Variants in TMPRSS4 observed in about 807,000 individuals in gnomAD.
The protein encoded by TMPRSS4 is transmembrane serine protease 4.
In TMPRSS4, 45 loss-of-function variants were observed where a neutral mutation model predicts 56.4. That is an observed-to-expected ratio of 0.80 (90% CI 0.63 to 1.02). The LOEUF is 1.02. TMPRSS4 is among the 50% of genes least tolerant of loss of function. The probability of loss-of-function intolerance (pLI) is 0.00; values close to 1 mark genes in which losing one functional copy is unlikely to be tolerated. For missense variants in TMPRSS4, 546 were observed against 556.7 expected, an observed-to-expected ratio of 0.98 and a Z score of 0.19; for synonymous variants, 205 against 211.0, an observed-to-expected ratio of 0.97 and a Z score of 0.25.
Position 118,097,005 on chromosome 11 carries a change from AAAG to A in TMPRSS4, c.44-1977_44-1975del, listed in dbSNP as rs1241001508. 2.6e-4 allele frequency among the ~76,000 whole-genome samples: 35 copies of A among 132,628 alleles called. 5 individuals carry two copies. The highest frequency in any genetic ancestry group is 7.6e-4 in the South Asian group (3 of 3,966). The allele number at this position is 132,628 out of a possible 152,430, so 87.0% of individuals were successfully genotyped here. ...GAAAGAAAGAAAGAAAGAAAGAAAG[AAAG>A]AAAGAAAGAAAGAAAGAAAGAAAGA... is the stretch of plus-strand genomic sequence containing the variant. On this transcript the variant is annotated intron_variant, in intron 2 of 12. Transcript: ENST00000437212.
chr11:118,099,269 C>T (rs1946593737), intron 3 of TMPRSS4, 171 bp downstream of exon 3: 1 of 545,508 alleles, frequency 1.8e-6, no homozygotes, highest in South Asian at 2.4e-5. Flanking sequence ...GCAGCCCCGC[C>T]CCTCCCATTA....
intron 5 of TMPRSS4, chr11:118,107,087 A>C (rs1947029720): frequency 1.3e-5 from 2 of 152,234 alleles, no homozygotes; most frequent in Admixed American, 6.5e-5. Flanking sequence ...TAGAAGAGGC[A>C]GATTCAGTAA....
chr11:118,081,073 C>G (rs944694453), intron 1 of TMPRSS4, among the ~76,000 whole-genome samples: 1 of 152,162 alleles, frequency 6.6e-6, no homozygotes, highest in African/African-American at 2.4e-5. Flanking sequence ...GCATGGCATC[C>G]ATGGCATGGA....
intron 1 of TMPRSS4, chr11:118,087,760 C>A (rs1420335395): frequency 6.6e-6 from 1 of 152,182 alleles, no homozygotes; most frequent in African/African-American, 2.4e-5. Flanking sequence ...CCAGGAGGTT[C>A]CCCATGATCT....
At chr11:118,116,070 C>G (rs1252588721) in intron 11 of TMPRSS4, among the ~76,000 whole-genome samples, 1 of 152,206 alleles carries the variant, frequency 6.6e-6, no homozygotes, top group Non-Finnish European at 1.5e-5. Flanking sequence ...GACCTTCTTC[C>G]TCCCCCATAC....
rs1305209943 is a variant in TMPRSS4, at chr11:118,108,865, C to G, written c.552C>G (p.Leu184=). Residue 184 remains leucine, a synonymous_variant, in exon 7 of 13, where the codon CTC becomes CTG. Coordinates refer to ENST00000437212, the MANE Select transcript of TMPRSS4 (RefSeq NM_019894.4). ...LRMRNSSGPC[L]SGSLVSLHCL... The stretch of plus-strand genomic sequence containing the variant: ...TGTGTCTGTCTTCCAGGCCCTGTCT[C>G]TCAGGCTCCCTGGTCTCCCTGCACT... 6.2e-7 allele frequency: 1 copy of G among 1,614,016 alleles called. No individual in the cohort carries two copies. The highest frequency in any genetic ancestry group is 1.3e-5 in the African/African-American group (1 of 74,906).
Position 118,119,125 on chromosome 11 carries a change from C to G in TMPRSS4, c.*1212C>G, listed in dbSNP as rs2135476719. Reference sequence around the variant, plus strand: ...AACAGAATTCCTCAAATGCCAAAAACAAAGAAAATAGAAACCCAGAAAACA... The same window carrying G: ...AACAGAATTCCTCAAATGCCAAAAAGAAAGAAAATAGAAACCCAGAAAACA... On this transcript the variant is annotated 3_prime_UTR_variant, in exon 13 of 13. Transcript: ENST00000437212. 1 of 985,342 alleles carries G rather than the reference C, an allele frequency of 1.0e-6. No individual in the cohort carries two copies. The highest frequency in any genetic ancestry group is 4.7e-5 in the South Asian group (1 of 21,276). 61.0% of individuals were successfully genotyped at this position (985,342 alleles called of 1,614,324 possible). A position where few individuals can be genotyped will look rare whatever the true frequency, so the allele number is the denominator to read the frequency against.
intron 5 of TMPRSS4, among the ~76,000 whole-genome samples, 177 bp downstream of exon 5, chr11:118,104,997 A>G (rs946300929): frequency 6.6e-6 from 1 of 152,188 alleles, no homozygotes; most frequent in Non-Finnish European, 1.5e-5. Context: ...CCTAAGCCTC[A>G]GGTTCCTCAG....
chr11:118,099,481 AAAAG>A (rs1555085856), intron 3 of TMPRSS4, among the ~76,000 whole-genome samples: 3 of 141,812 alleles, frequency 2.1e-5, no homozygotes, highest in Non-Finnish European at 3.0e-5. Context: ...GAAAGAAAGA[AAAAG>A]AAAGAAAGAA....
chr11:118,116,799 C>T (rs1309873294), intron 11 of TMPRSS4, among the ~76,000 whole-genome samples: 4 of 150,014 alleles, frequency 2.7e-5, no homozygotes, highest in Admixed American at 1.3e-4. Flanking sequence ...CTGCAGCCTC[C>T]GCCTCTGGGT....
At chr11:118,085,243 A>G (rs1024565217) in intron 1 of TMPRSS4, among the ~76,000 whole-genome samples, 169 of 84,544 alleles carry the variant, frequency 2.0e-3, no homozygotes, top group Non-Finnish European at 3.7e-3. Context: ...TTTTTTTTTG[A>G]GACAGAGTCT....
At chr11:118,089,810 G>T (rs2135300045) in intron 1 of TMPRSS4, among the ~76,000 whole-genome samples, 1 of 152,156 alleles carries the variant, frequency 6.6e-6, no homozygotes, top group Non-Finnish European at 1.5e-5. Context: ...GTAATCTTTT[G>T]GGACTAAGTT....
chr11:118,109,609 C>G (rs990452170), intron 7 of TMPRSS4, among the ~76,000 whole-genome samples: 1 of 152,154 alleles, frequency 6.6e-6, no homozygotes, highest in Non-Finnish European at 1.5e-5. Flanking sequence ...CATCAAGGAT[C>G]TTTAGGGACC....
chr11:118,118,855 G>A lies in TMPRSS4; in HGVS notation c.*942G>A. On this transcript the variant is annotated 3_prime_UTR_variant, in exon 13 of 13. Coordinates refer to ENST00000437212, the MANE Select transcript of TMPRSS4 (RefSeq NM_019894.4). ...ACTTTTTCCGCCTGGAGAGCCCTCA[G>A]TGTGGCTTCTTACATTTAAAAAACA... 2 of 985,450 alleles carry A rather than the reference G, an allele frequency of 2.0e-6. No homozygotes were observed. The highest frequency in any genetic ancestry group is 2.4e-6 in the Non-Finnish European group (2 of 829,946). 61.0% of individuals were successfully genotyped at this position (985,450 alleles called of 1,614,324 possible).
intron 11 of TMPRSS4, among the ~76,000 whole-genome samples, chr11:118,116,731 T>TG (rs1555091880): frequency 0.016 from 2,394 of 150,544 alleles, 77 homozygotes; most frequent in African/African-American, 0.056. Context: ...TTTTTTTTTT[T>TG]GAGACTGAGT....
chr11:118,085,215 ATCT>A (rs199860003), intron 1 of TMPRSS4, among the ~76,000 whole-genome samples: 2 of 125,150 alleles, frequency 1.6e-5, no homozygotes, highest in South Asian at 3.2e-4. Context: ...GAGGAGTCAG[ATCT>A]TCTTCTTCTT....
Position 118,119,493 on chromosome 11 carries a change from T to C in TMPRSS4, c.*1580T>C. 5.7e-6 allele frequency: 2 copies of C among 349,678 alleles called. No homozygotes were observed. The highest frequency in any genetic ancestry group is 8.0e-6 in the Non-Finnish European group (2 of 249,046). The allele number at this position is 349,678 out of a possible 1,614,324, so 21.7% of individuals were successfully genotyped here. A position where few individuals can be genotyped will look rare whatever the true frequency, so the allele number is the denominator to read the frequency against. On this transcript the variant is annotated 3_prime_UTR_variant, in exon 13 of 13. Transcript: ENST00000437212. ...TGGGCAGCATAAAAAACAGCTAATT[T>C]AGAACCCCAAAGGCTTCAGATGTCA...
chr11:118,081,418 C>T (rs768562388), intron 1 of TMPRSS4, among the ~76,000 whole-genome samples: 4 of 152,212 alleles, frequency 2.6e-5, no homozygotes, highest in Non-Finnish European at 4.4e-5. Context: ...CTAACCAGCA[C>T]GTCGGCAGCT....
At chr11:118,082,065 G>C (rs1001033491) in intron 1 of TMPRSS4, among the ~76,000 whole-genome samples, 1 of 152,178 alleles carries the variant, frequency 6.6e-6, no homozygotes. Flanking sequence ...GGTCTTGCCA[G>C]GCTGCTGGGA....
Sources: gnomAD v4.1 joint callset for allele counts (sites outside exome capture counted in the v4.1 genomes callset) on GRCh38, gnomAD v4.1.1 for gene constraint, MANE v1.5 for transcripts, NCBI Gene and HGNC (gene_info 2026-07-23, HGNC 2026-07-21) for gene names.